The following AGMO variants were observed in gnomAD, a reference collection of about 807,000 sequenced individuals.
AGMO encodes the protein alkylglycerol monooxygenase, also known as glyceryl-ether monooxygenase.
AGMO carries 75 observed loss-of-function variants against 60.2 expected under a neutral mutation model. The observed-to-expected ratio is 1.25, with a 90% CI of 1.03 to 1.51. The LOEUF (loss-of-function observed/expected upper bound fraction) is 1.51. AGMO is among the 40% of genes most tolerant of loss of function. The pLI is 0.00. For synonymous variants in AGMO, 261 were observed against 177.1 expected, an observed-to-expected ratio of 1.47 and a Z score of -3.76; for missense variants, 763 against 525.5, an observed-to-expected ratio of 1.45 and a Z score of -4.42.
chr7:15,195,363 C>T (rs149303654), downstream of AGMO, among the ~76,000 whole-genome samples: 18 of 152,250 alleles, frequency 1.2e-4, no homozygotes, highest in Middle Eastern at 3.4e-3. Flanking sequence ...GTGGGTCTTC[C>T]GTGCCCCTGG....
chr7:15,344,935 A>T (rs1781980037), intron 12 of AGMO, among the ~76,000 whole-genome samples: 1 of 152,180 alleles, frequency 6.6e-6, no homozygotes, highest in African/African-American at 2.4e-5. Context: ...TTGAGATGCA[A>T]AGAATGAGAA....
At chr7:15,295,434 GGTTTAATA>G (rs1316020426) in intron 12 of AGMO, among the ~76,000 whole-genome samples, 1 of 151,862 alleles carries the variant, frequency 6.6e-6, no homozygotes, top group Non-Finnish European at 1.5e-5. Context: ...GAGAAATTGT[GGTTTAATA>G]TATTAGAATA....
chr7:15,135,733 T>C, the AGMO span, among the ~76,000 whole-genome samples: 5 of 133,238 alleles, frequency 3.8e-5, no homozygotes, highest in African/African-American at 1.1e-4. Context: ...CAAGATAATC[T>C]GCTTATTCCT....
At chr7:15,455,746 A>G (rs1008133409) in intron 3 of AGMO, among the ~76,000 whole-genome samples, 2 of 152,122 alleles carry the variant, frequency 1.3e-5, no homozygotes, top group Non-Finnish European at 2.9e-5. Context: ...CCTAGAATTC[A>G]GCTGCTCCTG....
At position 15,232,801 on chromosome 7, in the gene AGMO, G is replaced by GCGCA. The variant is rs1554398737; in HGVS notation, c.1264-31443_1264-31442insTGCG. 4.0e-3 allele frequency among the ~76,000 whole-genome samples: 595 copies of GCGCA among 147,122 alleles called. 1 individual carries two copies. The highest frequency in any genetic ancestry group is 0.014 in the African/African-American group (552 of 40,206). On this transcript the variant is annotated intron_variant, in intron 12 of 12. Coordinates refer to ENST00000342526, the MANE Select transcript of AGMO (RefSeq NM_001004320.2). ...TTAAACATGGAAACCACACACACACGCACACACACACACACACACACACAC... is the reference window on the plus strand; with the variant it reads ...TTAAACATGGAAACCACACACACACGCGCACACACACACACACACACACACACAC...
chr7:15,466,082 G>A (rs534271014), intron 3 of AGMO, among the ~76,000 whole-genome samples: 64 of 152,228 alleles, frequency 4.2e-4, no homozygotes, highest in African/African-American at 1.5e-3. Context: ...GGGATCTCAT[G>A]TTTTATTTTT....
intron 5 of AGMO, among the ~76,000 whole-genome samples, chr7:15,406,967 A>C (rs993221684): frequency 7.0e-6 from 1 of 143,182 alleles, no homozygotes; most frequent in African/African-American, 2.6e-5. Context: ...ATTCCATATA[A>C]GTACACATGT....
intron 12 of AGMO, among the ~76,000 whole-genome samples, chr7:15,248,222 AT>A (rs1374760092): frequency 1.1e-4 from 11 of 104,206 alleles, no homozygotes; most frequent in Non-Finnish European, 2.2e-4. Flanking sequence ...ATATATATAT[AT>A]ATCTTCATCT....
chr7:15,136,163 TA>T, the AGMO span, among the ~76,000 whole-genome samples: 2 of 151,960 alleles, frequency 1.3e-5, no homozygotes, highest in East Asian at 3.9e-4. Flanking sequence ...CAGGCTAAAT[TA>T]GTATTTTTAG....
intron 3 of AGMO, among the ~76,000 whole-genome samples, chr7:15,447,627 T>C (rs1382373003): frequency 6.6e-6 from 1 of 152,114 alleles, no homozygotes; most frequent in East Asian, 1.9e-4. Flanking sequence ...CTTGGCTCAC[T>C]GCAACCTCCA....
chr7:15,403,621 C>T (rs1784613113), intron 5 of AGMO, among the ~76,000 whole-genome samples: 1 of 151,874 alleles, frequency 6.6e-6, no homozygotes, highest in Non-Finnish European at 1.5e-5. Context: ...AGAATAAAAT[C>T]CATGAACACT....
In AGMO at chr7:15,342,801, A is replaced by AAAAAAAC. The variant is rs778682811; in HGVS notation, c.1263+22712_1263+22713insGTTTTTT. On this transcript the variant is annotated intron_variant, in intron 12 of 12. Transcript: ENST00000342526. ...CTGCAAAAAAAAAAAAAAAAAAAAA[A>AAAAAAAC]AAAATTGATCTGAATTCTACCTCTA... Among the ~76,000 whole-genome samples, 382 of 107,936 alleles carry AAAAAAAC rather than the reference A, an allele frequency of 3.5e-3. 34 individuals are homozygous for AAAAAAAC. The highest frequency in any genetic ancestry group is 0.013 in the African/African-American group (309 of 23,846). 70.8% of individuals were successfully genotyped at this position (107,936 alleles called of 152,430 possible). A position where few individuals can be genotyped will look rare whatever the true frequency, so the allele number is the denominator to read the frequency against.
intron 12 of AGMO, among the ~76,000 whole-genome samples, chr7:15,348,277 T>G (rs997256006): frequency 6.6e-6 from 1 of 152,022 alleles, no homozygotes; most frequent in African/African-American, 2.4e-5. Flanking sequence ...GGAGAAACCC[T>G]CATCAATATA....
chr7:15,464,262 CAT>C (rs1782220998), intron 3 of AGMO, among the ~76,000 whole-genome samples: 1 of 152,172 alleles, frequency 6.6e-6, no homozygotes, highest in Non-Finnish European at 1.5e-5. Flanking sequence ...TCCATAAAAA[CAT>C]GTAATCTTAG....
At chr7:15,344,802 C>T (rs1308037537) in intron 12 of AGMO, among the ~76,000 whole-genome samples, 1 of 152,102 alleles carries the variant, frequency 6.6e-6, no homozygotes, top group Non-Finnish European at 1.5e-5. Context: ...TAGTGTGATG[C>T]GTTTTCATCA....
chr7:15,528,743 G>C (rs927031044), intron 3 of AGMO, among the ~76,000 whole-genome samples: 3 of 152,068 alleles, frequency 2.0e-5, no homozygotes, highest in African/African-American at 7.2e-5. Flanking sequence ...CCGCCTCCTA[G>C]GTTCAAGTGA....
intron 4 of AGMO, among the ~76,000 whole-genome samples, chr7:15,420,599 T>C (rs562793437): frequency 6.6e-6 from 1 of 152,292 alleles, no homozygotes; most frequent in South Asian, 2.1e-4. Context: ...AGCAGCTTAG[T>C]AAATGTGGTC....
chr7:15,529,629 A>AC (rs1336415401), intron 3 of AGMO, among the ~76,000 whole-genome samples: 8 of 28,178 alleles, frequency 2.8e-4, no homozygotes, highest in African/African-American at 1.5e-3. Flanking sequence ...GAATATATAT[A>AC]TAGAATATAT....
At chr7:15,305,028 CTTAATA>C (rs565641743) in intron 12 of AGMO, among the ~76,000 whole-genome samples, 1 of 151,866 alleles carries the variant, frequency 6.6e-6, no homozygotes, top group Admixed American at 6.6e-5. Flanking sequence ...TAAAATCAAA[CTTAATA>C]TTAAGAATAT....
Sources: allele counts gnomAD v4.1 joint callset (sites outside exome capture counted in the v4.1 genomes callset), GRCh38; gene constraint gnomAD v4.1.1; transcripts MANE v1.5; gene names NCBI Gene and HGNC (gene_info 2026-07-23, HGNC 2026-07-21).